The following ACACB variants were observed in gnomAD, a reference collection of about 807,000 sequenced individuals.
ACACB encodes the protein acetyl-CoA carboxylase 2.
ACACB carries 209 observed loss-of-function variants against 278.8 expected under a neutral mutation model. The observed-to-expected ratio is 0.75, with a 90% CI of 0.67 to 0.84. The LOEUF (loss-of-function observed/expected upper bound fraction) is 0.84, where lower values mean the gene tolerates loss of function less well. Among genes scored for constraint, ACACB ranks in the 40% least tolerant of loss-of-function variants. The pLI is 0.00. For synonymous variants in ACACB, 1,174 were observed against 1,285.6 expected (o/e 0.91, Z 1.86); for missense variants, 2,850 against 3,269.0 (o/e 0.87, Z 3.13).
intron 21 of ACACB, among the ~76,000 whole-genome samples, chr12:109,211,622 C>T (rs1334699848): frequency 1.3e-5 from 2 of 152,056 alleles, no homozygotes; most frequent in Admixed American, 1.3e-4. Context: ...GATTAGTGGC[C>T]GCCAGGGGCT....
intron 16 of ACACB, 93 bp downstream of exon 16, chr12:109,193,822 T>TCAAACCCAAG: frequency 8.5e-7 from 1 of 1,173,992 alleles, no homozygotes; most frequent in Non-Finnish European, 1.2e-6. Context: ...GTGGATTTGC[T>TCAAACCCAAG]CATGCTTGGG....
rs1248565236 is a variant in ACACB at position 109,261,853 on chromosome 12, AGAGT to A, written c.6675-500_6675-497del. On this transcript the variant is annotated intron_variant, in intron 48 of 52. Transcript: ENST00000338432. The stretch of plus-strand genomic sequence containing the variant: ...GCCACTGCACTCCAGCCTGGGTGAC[AGAGT>A]GAGACCCTGTCTAAAAAAAAAACAA... Among the ~76,000 whole-genome samples, 12 of 150,010 alleles carry A rather than the reference AGAGT, an allele frequency of 8.0e-5. 1 individual carries two copies. The East Asian group carries it at 2.4e-3, about 29-fold the overall frequency.
At chr12:109,145,029 G>A (rs1205407672) in intron 2 of ACACB, among the ~76,000 whole-genome samples, 1 of 152,098 alleles carries the variant, frequency 6.6e-6, no homozygotes, top group South Asian at 2.1e-4. Flanking sequence ...CCAAAGTGCT[G>A]GGATTACAGG....
chr12:109,237,002 G>A (rs977617415), intron 33 of ACACB, among the ~76,000 whole-genome samples, 163 bp from the exon 34 acceptor site: 1 of 152,058 alleles, frequency 6.6e-6, no homozygotes, highest in Admixed American at 6.6e-5. Flanking sequence ...TGGAGCCCTG[G>A]GGGTAGCTTA....
chr12:109,139,730 G>A lies in ACACB; in HGVS notation c.325G>A (p.Ala109Thr), dbSNP rs758383786. 12 of 1,613,928 alleles carry A rather than the reference G, an allele frequency of 7.4e-6. 1 individual carries two copies. Among genetic ancestry groups the A allele is most frequent in the South Asian group, 3.3e-5 (3 of 91,074 alleles). The change falls in exon 2 of 53, where the codon GCA becomes ACA. Residue 109 changes from alanine to threonine, a missense_variant. Physicochemically the swap from Ala to Thr is moderately conservative, Grantham distance 58. This residue lies in a region of ACACB where 2,265 missense variants were observed against 2,561.3 expected (regional missense o/e 0.88). Transcript: ENST00000338432. ...AAGAAACCCCCTTTCTTCCAGTGAC[G>A]CAGCACCCTCCCCAGAGCTTCAAGC... ...PPRNPLSSSD[A>T]APSPELQANG...
intron 2 of ACACB, among the ~76,000 whole-genome samples, chr12:109,151,407 A>T (rs2043372943): frequency 6.6e-6 from 1 of 151,840 alleles, no homozygotes; most frequent in African/African-American, 2.4e-5. Context: ...CTTAAGCATC[A>T]TTGCCCTATT....
At chr12:109,114,690 A>T (rs565822236), upstream of ACACB, among the ~76,000 whole-genome samples, 2,044 of 146,946 alleles carry the variant, frequency 0.014, 52 homozygotes, top group African/African-American at 0.047. Context: ...AAAAAAAAAA[A>T]TTTTTTTTTT....
At chr12:109,141,195 C>CCATT (rs35102243) in intron 2 of ACACB, among the ~76,000 whole-genome samples, 22,100 of 151,798 alleles carry the variant, frequency 0.15, 1,934 homozygotes, top group East Asian at 0.25. Flanking sequence ...CACACCCAGC[C>CCATT]CATTCATTCA....
At chr12:109,186,076 G>A (rs949893795) in intron 12 of ACACB, among the ~76,000 whole-genome samples, 4 of 151,812 alleles carry the variant, frequency 2.6e-5, no homozygotes, top group African/African-American at 7.3e-5. Flanking sequence ...GATTACAGGC[G>A]CCCGCCACCA....
intron 31 of ACACB, among the ~76,000 whole-genome samples, chr12:109,234,282 C>T (rs1167607890): frequency 6.6e-6 from 1 of 152,150 alleles, no homozygotes; most frequent in Non-Finnish European, 1.5e-5. Context: ...AAAGTATATA[C>T]ACGGCTTAGC....
At chr12:109,141,878 C>G (rs894131453) in intron 2 of ACACB, among the ~76,000 whole-genome samples, 1 of 152,130 alleles carries the variant, frequency 6.6e-6, no homozygotes, top group Non-Finnish European at 1.5e-5. Flanking sequence ...CTCTGCCACC[C>G]CCTACTGTGT....
upstream of ACACB, among the ~76,000 whole-genome samples, chr12:109,114,231 A>C (rs2042360994): frequency 6.6e-6 from 1 of 152,158 alleles, no homozygotes; most frequent in Non-Finnish European, 1.5e-5. Flanking sequence ...GGAAATATAA[A>C]TATTGGTGAG....
chr12:109,218,573 T>TGACATA (rs1407019003), intron 24 of ACACB, among the ~76,000 whole-genome samples: 1 of 151,996 alleles, frequency 6.6e-6, no homozygotes, highest in African/African-American at 2.4e-5. Context: ...GATATGTCCC[T>TGACATA]TGCAACTGAC....
intron 48 of ACACB, among the ~76,000 whole-genome samples, chr12:109,261,062 C>T (rs539792000): frequency 5.9e-5 from 9 of 152,244 alleles, no homozygotes; most frequent in Admixed American, 4.6e-4. Flanking sequence ...GAGAGGATAC[C>T]GGTTCTTCGC....
At chr12:109,114,670 C>T (rs34262), upstream of ACACB, among the ~76,000 whole-genome samples, 32,391 of 151,416 alleles carry the variant, frequency 0.21, 3,519 homozygotes, top group African/African-American at 0.25. Context: ...ATAATGAGAC[C>T]TTGTCTTTAA....
In ACACB at chr12:109,259,618, C is replaced by T. The variant is rs199738373; in HGVS notation, c.6496+510C>T. 5.3e-5 allele frequency among the ~76,000 whole-genome samples: 8 copies of T among 151,294 alleles called. No homozygotes were observed. In the East Asian group the frequency reaches 1.6e-3, roughly 29 times the overall value. ...ACAATGAGGAACTGAGGGTTGGAGG[C>T]AAAGTGTCACTTTCTAGAGGTCACA... On this transcript the variant is annotated intron_variant, in intron 47 of 52. Coordinates refer to ENST00000338432, the MANE Select transcript of ACACB (RefSeq NM_001093.4).
chr12:109,170,096 G>A (rs1053310920), intron 4 of ACACB, among the ~76,000 whole-genome samples: 1 of 150,200 alleles, frequency 6.7e-6, no homozygotes, highest in African/African-American at 2.5e-5. Flanking sequence ...ATTGATGTGT[G>A]GGTTTTTGTT....
intron 1 of ACACB, among the ~76,000 whole-genome samples, chr12:109,117,158 G>A (rs2430680): frequency 2.0e-5 from 3 of 149,010 alleles, no homozygotes; most frequent in East Asian, 4.0e-4. Flanking sequence ...TCAGGAGTTC[G>A]AGACCAGCCT....
intron 1 of ACACB, among the ~76,000 whole-genome samples, chr12:109,124,690 T>TTTG (rs376367927): frequency 5.6e-4 from 85 of 152,242 alleles, no homozygotes; most frequent in South Asian, 2.3e-3. Flanking sequence ...CTTGTTGTTT[T>TTTG]TTGTTGTTGT....
Sources: gnomAD v4.1 joint callset for allele counts (sites outside exome capture counted in the v4.1 genomes callset) on GRCh38, gnomAD v4.1.1 for gene constraint, gnomAD v4.1.1 regional missense constraint, MANE v1.5 for transcripts, NCBI Gene and HGNC (gene_info 2026-07-23, HGNC 2026-07-21) for gene names.